Variants in BCAS3 observed in about 807,000 individuals in gnomAD.
BCAS3 encodes BCAS3 microtubule associated cell migration factor.
A neutral mutation model predicts 116.1 loss-of-function variants in BCAS3; 53 were observed. The ratio of observed to expected loss-of-function variants is 0.46; its 90% CI spans 0.37 to 0.57. The LOEUF is 0.57. BCAS3 is among the 20% of genes least tolerant of loss of function. The pLI, the probability that BCAS3 is intolerant of heterozygous loss-of-function variation, is 0.00. For missense variants in BCAS3, 917 were observed against 1,165.4 expected (o/e 0.79, Z 3.10); for synonymous variants, 391 against 408.2 (o/e 0.96, Z 0.51).
chr17:60,704,392 C>T (rs895969976), intron 4 of BCAS3, among the ~76,000 whole-genome samples: 1 of 152,164 alleles, frequency 6.6e-6, no homozygotes, highest in Non-Finnish European at 1.5e-5. Flanking sequence ...CTGCTAACCC[C>T]TGAGCCTTGG....
chr17:61,170,886 T>C (rs2078806019), intron 22 of BCAS3, among the ~76,000 whole-genome samples: 1 of 152,032 alleles, frequency 6.6e-6, no homozygotes, highest in Non-Finnish European at 1.5e-5. Flanking sequence ...CCTGCAAGCC[T>C]TCAGCTGAGC....
chr17:60,769,845 G>A (rs962623244), intron 6 of BCAS3, among the ~76,000 whole-genome samples: 4 of 151,692 alleles, frequency 2.6e-5, no homozygotes, highest in African/African-American at 7.3e-5. Flanking sequence ...TGTGATCTCC[G>A]CTCACTGCAA....
intron 22 of BCAS3, among the ~76,000 whole-genome samples, chr17:61,218,155 T>C (rs2144367672): frequency 6.6e-6 from 1 of 152,316 alleles, no homozygotes; most frequent in African/African-American, 2.4e-5. Context: ...ATCTTACAAC[T>C]TGTTCCTCCT....
rs943030369 is a variant in BCAS3 at position 61,145,564 on chromosome 17, C to T, written c.2425+61000C>T. On this transcript the variant is annotated intron_variant, in intron 22 of 23. Coordinates refer to ENST00000407086, the MANE Select transcript of BCAS3 (RefSeq NM_017679.5). This position sits in a 1 kb window ranked among gnomAD's most constrained non-coding sequence, Gnocchi z 5.0. ...GAGAGAGGCATTTCCAACCATCTTGCTGATCTGTGCAGGAGTTCATTGAAC... is the reference window on the plus strand; with the variant it reads ...GAGAGAGGCATTTCCAACCATCTTGTTGATCTGTGCAGGAGTTCATTGAAC... Among the ~76,000 whole-genome samples the T allele has an allele frequency of 1.3e-5, 2 of 152,186 alleles. No homozygotes were observed. The highest frequency in any genetic ancestry group is 4.8e-5 in the African/African-American group (2 of 41,438).
chr17:60,754,373 T>G (rs1383445594), intron 6 of BCAS3, among the ~76,000 whole-genome samples: 2 of 151,544 alleles, frequency 1.3e-5, no homozygotes, highest in Non-Finnish European at 2.9e-5. Flanking sequence ...CCTGGCTAAT[T>G]ACGGAGTCTT....
Position 61,316,596 on chromosome 17 carries a change from G to C in BCAS3, c.2426-51731G>C, listed in dbSNP as rs1355718376. Among the ~76,000 whole-genome samples, 2 of 152,136 alleles carry C rather than the reference G, an allele frequency of 1.3e-5. No individual in the cohort carries two copies. The highest frequency in any genetic ancestry group is 4.8e-5 in the African/African-American group (2 of 41,426). On this transcript the variant is annotated intron_variant, in intron 22 of 23. Coordinates refer to ENST00000407086, the MANE Select transcript of BCAS3 (RefSeq NM_017679.5). This position sits in a 1 kb window ranked among gnomAD's most constrained non-coding sequence, Gnocchi z 5.8. ...TCCTCTTCGCTGCTAGGCAGACTCAGAGGGGCCTGCAGCTGGTATCTGATA... is the reference window on the plus strand; with the variant it reads ...TCCTCTTCGCTGCTAGGCAGACTCACAGGGGCCTGCAGCTGGTATCTGATA...
intron 13 of BCAS3, among the ~76,000 whole-genome samples, chr17:60,931,924 T>C (rs2059666123): frequency 6.6e-6 from 1 of 151,924 alleles, no homozygotes; most frequent in South Asian, 2.1e-4. Context: ...AATACAAAAA[T>C]TAGCTGGGTG....
intron 23 of BCAS3, among the ~76,000 whole-genome samples, chr17:61,372,026 CT>C (rs2059076364): frequency 6.6e-6 from 1 of 152,226 alleles, no homozygotes; most frequent in African/African-American, 2.4e-5. Context: ...CCTTCTGCCC[CT>C]TGCCCCGTCA....
At chr17:61,382,968 TC>T (rs1288332562) in intron 23 of BCAS3, 1 of 152,316 alleles carries the variant, frequency 6.6e-6, no homozygotes, top group Non-Finnish European at 1.5e-5. Context: ...GACCCTGCTG[TC>T]CCTTCAGCTG....
intron 11 of BCAS3, among the ~76,000 whole-genome samples, chr17:60,910,118 C>G (rs7212401): frequency 0.04 from 6,133 of 152,194 alleles, 469 homozygotes; most frequent in African/African-American, 0.14. Flanking sequence ...AATAGGTATA[C>G]AATTAGAGTT....
chr17:61,238,175 C>A (rs934501096), intron 22 of BCAS3, among the ~76,000 whole-genome samples: 1 of 151,958 alleles, frequency 6.6e-6, no homozygotes, highest in African/African-American at 2.4e-5. Context: ...ACCTCAGCCT[C>A]CTGAGTAGCT....
intron 2 of BCAS3, among the ~76,000 whole-genome samples, chr17:60,681,945 G>A (rs2033211619): frequency 6.6e-6 from 1 of 151,914 alleles, no homozygotes; most frequent in African/African-American, 2.4e-5. Flanking sequence ...GTCCAGGTTG[G>A]TCTCAAACTC....
chr17:61,044,099 G>A (rs1035059208), intron 19 of BCAS3, among the ~76,000 whole-genome samples: 1 of 151,818 alleles, frequency 6.6e-6, no homozygotes, highest in African/African-American at 2.4e-5. Context: ...TAATATTAAA[G>A]CATTTGGGGT....
chr17:60,886,938 G>C lies in BCAS3; in HGVS notation c.662-2757G>C, dbSNP rs1280007021. 5.2e-5 allele frequency: 8 copies of C among 152,974 alleles called. 1 individual carries two copies. The highest frequency in any genetic ancestry group is 8.8e-5 in the Non-Finnish European group (6 of 68,460). The allele number at this position is 152,974 out of a possible 1,614,324, so 9.5% of individuals were successfully genotyped here. On this transcript the variant is annotated intron_variant, in intron 9 of 23. Coordinates refer to ENST00000407086, the MANE Select transcript of BCAS3 (RefSeq NM_017679.5). ...GCCCCCAGAGGTGGAGCCTACAGTG[G>C]CAGGCAGGCCTCCTTGAGCTGTGGT... is the stretch of plus-strand genomic sequence containing the variant.
intron 22 of BCAS3, among the ~76,000 whole-genome samples, chr17:61,306,357 A>G (rs1409507207): frequency 6.6e-6 from 1 of 152,216 alleles, no homozygotes; most frequent in Non-Finnish European, 1.5e-5. Flanking sequence ...TATTACCTAG[A>G]CTGCAGGCTT....
intron 7 of BCAS3, chr17:60,810,780 T>C: frequency 1.5e-6 from 1 of 658,554 alleles, no homozygotes; most frequent in Non-Finnish European, 2.8e-6. Context: ...AGATCAAGGC[T>C]CTCAAGGAGG....
chr17:61,313,357 C>T lies in BCAS3; in HGVS notation c.2426-54970C>T, dbSNP rs1162393348. ...ACTACCTTCCTATAGGAAGCTTAAT[C>T]TGCGGTTCTACTTAAAATATGAGGA... On this transcript the variant is annotated intron_variant, in intron 22 of 23. Transcript: ENST00000407086. The surrounding 1 kb of genome is among the most constrained non-coding windows in gnomAD (Gnocchi z 4.3). Among the ~76,000 whole-genome samples the T allele has an allele frequency of 6.6e-6, 1 of 152,176 alleles. No homozygotes were observed. Among genetic ancestry groups the T allele is most frequent in the Non-Finnish European group, 1.5e-5 (1 of 68,026 alleles).
chr17:60,810,600 G>A, intron 7 of BCAS3: 2 of 721,952 alleles, frequency 2.8e-6, no homozygotes, highest in Admixed American at 3.5e-5. Flanking sequence ...CAAATACTGT[G>A]GACAGTGCCT....
chr17:60,937,233 T>G (rs576225646), intron 13 of BCAS3, among the ~76,000 whole-genome samples: 212 of 148,664 alleles, frequency 1.4e-3, no homozygotes, highest in Middle Eastern at 3.4e-3. Flanking sequence ...CATATATCTG[T>G]TTTTTTTTTA....
Sources: gnomAD v4.1 joint callset for allele counts (sites outside exome capture counted in the v4.1 genomes callset) on GRCh38, gnomAD v4.1.1 for gene constraint, Gnocchi (gnomAD v3.1) non-coding constraint, MANE v1.5 for transcripts, NCBI Gene and HGNC (gene_info 2026-07-23, HGNC 2026-07-21) for gene names.